The following PXDNL variants were observed in gnomAD, a reference collection of about 807,000 sequenced individuals.
PXDNL encodes the protein peroxidasin like.
In PXDNL, 145 loss-of-function variants were observed where a neutral mutation model predicts 150.8. The observed-to-expected ratio is 0.96, with a 90% confidence interval of 0.84 to 1.10. The LOEUF (loss-of-function observed/expected upper bound fraction) is 1.10. Among genes scored for constraint, PXDNL ranks in the 50% least tolerant of loss-of-function variants. The pLI is 0.00. For synonymous variants in PXDNL, 757 were observed against 725.7 expected, an observed-to-expected ratio of 1.04 and a Z score of -0.69; for missense variants, 2,087 against 1,873.9, an observed-to-expected ratio of 1.11 and a Z score of -2.10.
chr8:51,371,820 A>G (rs1807123523), intron 19 of PXDNL, 53 bp downstream of exon 19: 1 of 1,425,598 alleles, frequency 7.0e-7, no homozygotes, highest in Non-Finnish European at 9.8e-7. Context: ...AAACAATTCA[A>G]GCATGAGAAC....
Position 51,455,134 on chromosome 8 carries a change from G to A in PXDNL, c.983-1349C>T, listed in dbSNP as rs1342772924. 6.2e-4 allele frequency among the ~76,000 whole-genome samples: 67 copies of A among 107,846 alleles called. 3 individuals carry two copies. Among genetic ancestry groups the A allele is most frequent in the Middle Eastern group, 5.0e-3 (1 of 202 alleles). 70.8% of individuals were successfully genotyped at this position (107,846 alleles called of 152,430 possible). ...CCGTCTCAAAAAAAAAAAAAAAAAA[G>A]AGGTAAGGGAAAGTATAGGGAAAGT... On this transcript the variant is annotated intron_variant, in intron 9 of 22. Coordinates refer to ENST00000356297, the MANE Select transcript of PXDNL (RefSeq NM_144651.5).
intron 4 of PXDNL, among the ~76,000 whole-genome samples, chr8:51,549,009 A>G (rs1170809158): frequency 6.6e-6 from 1 of 152,218 alleles, no homozygotes; most frequent in East Asian, 1.9e-4. Context: ...ATGGAAACCA[A>G]AAGCAAGCAG....
chr8:51,709,734 G>C (rs923362298), intron 1 of PXDNL, among the ~76,000 whole-genome samples: 1 of 152,070 alleles, frequency 6.6e-6, no homozygotes, highest in African/African-American at 2.4e-5. Context: ...AAAGTAAAAA[G>C]GATATCCATG....
chr8:51,487,701 T>C (rs1585516202), intron 5 of PXDNL, among the ~76,000 whole-genome samples: 1 of 152,214 alleles, frequency 6.6e-6, no homozygotes, highest in South Asian at 2.1e-4. Context: ...AGATAAGACT[T>C]ATCTTTTGGA....
intron 1 of PXDNL, among the ~76,000 whole-genome samples, chr8:51,795,072 A>T (rs2037547895): frequency 6.6e-6 from 1 of 152,242 alleles, no homozygotes; most frequent in Non-Finnish European, 1.5e-5. Flanking sequence ...TGGTAAAGGG[A>T]TCAATTCAAC....
At chr8:51,496,790 A>G (rs1811062332) in intron 5 of PXDNL, among the ~76,000 whole-genome samples, 1 of 152,192 alleles carries the variant, frequency 6.6e-6, no homozygotes, top group Non-Finnish European at 1.5e-5. Context: ...AAAAGAGGAT[A>G]CAAACAAATG....
intron 1 of PXDNL, among the ~76,000 whole-genome samples, chr8:51,690,196 TTTTAGGGTAC>T (rs1815960997): frequency 6.6e-6 from 1 of 152,178 alleles, no homozygotes. Context: ...ATACTTTAAG[TTTTAGGGTAC>T]ATGTGCACAA....
chr8:51,710,860 A>G (rs918844558), intron 1 of PXDNL, among the ~76,000 whole-genome samples: 1 of 152,202 alleles, frequency 6.6e-6, no homozygotes, highest in Non-Finnish European at 1.5e-5. Context: ...TAGATATAGA[A>G]GGCATGACCT....
intron 1 of PXDNL, among the ~76,000 whole-genome samples, chr8:51,727,172 C>G (rs1475863361): frequency 6.6e-6 from 1 of 152,194 alleles, no homozygotes. Flanking sequence ...TAAGTGCAGA[C>G]TAGGAACAAG....
chr8:51,353,953 G>A (rs1040182001), intron 19 of PXDNL, among the ~76,000 whole-genome samples: 2 of 152,036 alleles, frequency 1.3e-5, no homozygotes, highest in Admixed American at 6.5e-5. Context: ...CTTGTTAATG[G>A]TATAGAGTTA....
intron 1 of PXDNL, among the ~76,000 whole-genome samples, chr8:51,742,794 C>T (rs2036921502): frequency 6.6e-6 from 1 of 152,086 alleles, no homozygotes; most frequent in Non-Finnish European, 1.5e-5. Flanking sequence ...TCATGATTGT[C>T]ACATGAAAAT....
At chr8:51,365,514 G>T (rs925469082) in intron 19 of PXDNL, among the ~76,000 whole-genome samples, 10 of 152,186 alleles carry the variant, frequency 6.6e-5, no homozygotes, top group African/African-American at 2.4e-4. Context: ...CAGGTAAGGA[G>T]CATACTCCAA....
chr8:51,802,905 C>T (rs763550), intron 1 of PXDNL, among the ~76,000 whole-genome samples: 17,893 of 152,140 alleles, frequency 0.12, 1,289 homozygotes, highest in East Asian at 0.17. Flanking sequence ...CTTAAACCTA[C>T]ATCAACTTGA....
At chr8:51,491,563 G>T in intron 5 of PXDNL, among the ~76,000 whole-genome samples, 1 of 152,308 alleles carries the variant, frequency 6.6e-6, no homozygotes, top group East Asian at 1.9e-4. Flanking sequence ...TGGATCCCAA[G>T]CTAAGAAGTC....
In PXDNL at chr8:51,508,865, C is replaced by A. The variant is rs569103205; in HGVS notation, c.381-9095G>T. Among the ~76,000 whole-genome samples the A allele has an allele frequency of 8.5e-5, 13 of 152,346 alleles. No individual in the cohort carries two copies. In the East Asian group the frequency reaches 2.3e-3, roughly 27 times the overall value. On this transcript the variant is annotated intron_variant, in intron 4 of 22. Coordinates refer to ENST00000356297, the MANE Select transcript of PXDNL (RefSeq NM_144651.5). ...CAGCATGTCCATCTCAGCTGAGGAC[C>A]ACACTTCCTTCTAGTTGTTTAGGGC...
In PXDNL at chr8:51,413,240, G is replaced by A; in HGVS notation, c.1814C>T (p.Ala605Val). ...GGAAGATTCAACAAAGTCATCGCCA[G>A]CTTGTCTACCCTGTATAGCTTTGAA... ...LTVTAIQGRQ[A>V]GDDFVESSIL... Residue 605 changes from alanine (A) to valine (V), a missense_variant, in exon 15 of 23, where the codon GCT becomes GTT. Transcript: ENST00000356297. 1 of 1,609,258 alleles carries A rather than the reference G, an allele frequency of 6.2e-7. No individual in the cohort carries two copies. Among genetic ancestry groups the A allele is most frequent in the Non-Finnish European group, 8.5e-7 (1 of 1,176,136 alleles).
chr8:51,658,383 G>GA (rs11387006), intron 1 of PXDNL, among the ~76,000 whole-genome samples: 121,163 of 143,384 alleles, frequency 0.85, 51,334 homozygotes, highest in African/African-American at 0.94. Flanking sequence ...GAAAAAAAAA[G>GA]AAAAAAAAGT....
intron 17 of PXDNL, among the ~76,000 whole-genome samples, chr8:51,383,902 C>T (rs1189292629): frequency 6.6e-6 from 1 of 152,136 alleles, no homozygotes; most frequent in Non-Finnish European, 1.5e-5. Context: ...GGATCATTCA[C>T]AGAGACACAA....
chr8:51,774,239 A>C (rs2037328429), intron 1 of PXDNL, among the ~76,000 whole-genome samples: 2 of 152,220 alleles, frequency 1.3e-5, no homozygotes, highest in African/African-American at 4.8e-5. Context: ...GTTTGAGGCG[A>C]ATATCAAAAC....
Sources: allele counts gnomAD v4.1 joint callset (sites outside exome capture counted in the v4.1 genomes callset), GRCh38; gene constraint gnomAD v4.1.1; transcripts MANE v1.5; gene names NCBI Gene and HGNC (gene_info 2026-07-23, HGNC 2026-07-21).